DCLK3: variants seen among roughly 807,000 people sequenced by gnomAD.
DCLK3 encodes the protein serine/threonine-protein kinase DCLK3.
In DCLK3, 30 loss-of-function variants were observed where a neutral mutation model predicts 46.4. The ratio of observed to expected loss-of-function variants is 0.65; its 90% CI spans 0.48 to 0.88. The LOEUF is 0.88. Among genes scored for constraint, DCLK3 ranks in the 40% least tolerant of loss-of-function variants. The probability of loss-of-function intolerance (pLI) is 0.00; values close to 1 mark genes in which losing one functional copy is unlikely to be tolerated. For synonymous variants in DCLK3, 401 were observed against 339.2 expected, an observed-to-expected ratio of 1.18 and a Z score of -2.00; for missense variants, 846 against 907.1, an observed-to-expected ratio of 0.93 and a Z score of 0.87.
At chr3:36,718,587 T>C (rs187701612) in intron 3 of DCLK3, among the ~76,000 whole-genome samples, 7 of 152,342 alleles carry the variant, frequency 4.6e-5, no homozygotes, top group Admixed American at 2.0e-4. Context: ...ACATGTGGCA[T>C]GAGATGTGTT....
chr3:36,758,750 T>G (rs1701510833), intron 1 of DCLK3, among the ~76,000 whole-genome samples: 1 of 152,240 alleles, frequency 6.6e-6, no homozygotes, highest in Admixed American at 6.5e-5. Flanking sequence ...GAAACATTAT[T>G]TTAATTATCA....
intron 1 of DCLK3, among the ~76,000 whole-genome samples, chr3:36,740,305 T>C (rs1189517658): frequency 6.6e-6 from 1 of 152,178 alleles, no homozygotes; most frequent in Non-Finnish European, 1.5e-5. Context: ...TTTTATATTA[T>C]AATTTCACTG....
At chr3:36,724,123 T>C (rs1036515351) in intron 2 of DCLK3, among the ~76,000 whole-genome samples, 10 of 152,220 alleles carry the variant, frequency 6.6e-5, no homozygotes, top group African/African-American at 1.7e-4. Context: ...AGAGATCATT[T>C]TGGAGCTTTA....
At chr3:36,722,650 A>G (rs887601606) in intron 2 of DCLK3, among the ~76,000 whole-genome samples, 1 of 152,200 alleles carries the variant, frequency 6.6e-6, no homozygotes, top group African/African-American at 2.4e-5. Context: ...TTCTCATGAT[A>G]GTGAATCAAT....
At position 36,738,466 on chromosome 3, in the gene DCLK3, T is replaced by A. The variant is rs1701300647; in HGVS notation, c.701A>T (p.Glu234Val). Reference protein sequence around the residue: ...GETETPKSCSEVAGCKAAMRH... With the variant: ...GETETPKSCSVVAGCKAAMRH... ...CATGGCTGCCTTGCATCCTGCAACT[T>A]CGCTGCAGCTCTTGGGGGTCTCGGT... is the stretch of plus-strand genomic sequence containing the variant. Residue 234 changes from glutamate (E) to valine (V), a missense_variant, in exon 2 of 5, where the codon GAA (glutamate) becomes GTA (valine). Glu to Val is a moderately radical substitution (Grantham distance 121, BLOSUM62 -2). Coordinates refer to ENST00000636136, the MANE Select transcript of DCLK3 (RefSeq NM_001394672.2). 1 of 1,476,546 alleles carries A rather than the reference T, an allele frequency of 6.8e-7. No homozygotes were observed. Among genetic ancestry groups the A allele is most frequent in the South Asian group, 1.5e-5 (1 of 67,460 alleles). 91.5% of individuals were successfully genotyped at this position (1,476,546 alleles called of 1,614,324 possible).
chr3:36,734,246 T>G (rs1206428630), intron 2 of DCLK3, among the ~76,000 whole-genome samples: 1 of 152,208 alleles, frequency 6.6e-6, no homozygotes, highest in Non-Finnish European at 1.5e-5. Flanking sequence ...AATCCAACAT[T>G]ATCTCTACCT....
At chr3:36,725,376 G>A (rs1701114916) in intron 2 of DCLK3, among the ~76,000 whole-genome samples, 1 of 151,914 alleles carries the variant, frequency 6.6e-6, no homozygotes, top group Admixed American at 6.6e-5. Context: ...CAGCTCTTTG[G>A]GAGGCCAAGG....
Position 36,737,893 on chromosome 3 carries a change from C to G in DCLK3, c.1274G>C (p.Gly425Ala), listed in dbSNP as rs761959306. The change falls in exon 2 of 5, where the codon GGG (glycine) becomes GCG (alanine). Residue 425 changes from glycine to alanine, a missense_variant. Gly to Ala is a moderately conservative substitution (Grantham distance 60, BLOSUM62 0). Coordinates refer to ENST00000636136, the MANE Select transcript of DCLK3 (RefSeq NM_001394672.2). The surrounding 1 kb of genome is among the most constrained non-coding windows in gnomAD (Gnocchi z 4.4). ...LVEVLPVTEE[G>A]LREVKKDTRP... ...GGTGTCCTTCTTCACCTCCCTCAGC[C>G]CCTCCTCTGTGACAGGAAGAACTTC... 1 of 1,614,074 alleles carries G rather than the reference C, an allele frequency of 6.2e-7. No homozygotes were observed. Among genetic ancestry groups the G allele is most frequent in the South Asian group, 1.1e-5 (1 of 91,072 alleles).
intron 2 of DCLK3, among the ~76,000 whole-genome samples, chr3:36,730,063 C>T (rs182666164): frequency 2.3e-4 from 35 of 152,144 alleles, no homozygotes; most frequent in South Asian, 1.5e-3. Context: ...CCTGTGGTCC[C>T]AGCTACTTGG....
chr3:36,748,864 C>T (rs2125535666), intron 1 of DCLK3, among the ~76,000 whole-genome samples: 1 of 152,296 alleles, frequency 6.6e-6, no homozygotes, highest in African/African-American at 2.4e-5. Context: ...CAACAGGATT[C>T]TCTTCACACG....
At chr3:36,734,392 G>A (rs1001958595) in intron 2 of DCLK3, among the ~76,000 whole-genome samples, 2 of 152,152 alleles carry the variant, frequency 1.3e-5, no homozygotes, top group Non-Finnish European at 2.9e-5. Context: ...TTTGATAAAT[G>A]CAAGCTGACA....
rs145122838 is a variant in DCLK3 at position 36,755,042 on chromosome 3, G to T, written c.82+9140C>A. Among the ~76,000 whole-genome samples, 296 of 152,142 alleles carry T rather than the reference G, an allele frequency of 1.9e-3. 2 individuals are homozygous for T. The highest frequency in any genetic ancestry group is 6.8e-3 in the South Asian group (33 of 4,826). On this transcript the variant is annotated intron_variant, in intron 1 of 4. Transcript: ENST00000636136. ...AACTGCAATAAATTGAAAAACACAT[G>T]AAAAAATTTATACATTTATATGTCA... is the stretch of plus-strand genomic sequence containing the variant.
chr3:36,759,554 C>CAAAGCTTAGA (rs1344610155), intron 1 of DCLK3, among the ~76,000 whole-genome samples: 1 of 152,204 alleles, frequency 6.6e-6, no homozygotes, highest in African/African-American at 2.4e-5. Context: ...GTTACTGCAG[C>CAAAGCTTAGA]AAAGCTTAGA....
At chr3:36,760,533 G>A (rs1044493232) in intron 1 of DCLK3, among the ~76,000 whole-genome samples, 7 of 151,874 alleles carry the variant, frequency 4.6e-5, no homozygotes, top group African/African-American at 1.7e-4. Flanking sequence ...GTTAAATAAC[G>A]AGTTAATGGG....
chr3:36,722,743 A>T (rs1432347575), intron 2 of DCLK3, among the ~76,000 whole-genome samples: 1 of 152,208 alleles, frequency 6.6e-6, no homozygotes, highest in East Asian at 1.9e-4. Flanking sequence ...GTAAGATGTG[A>T]CTTGCTCCTC....
At chr3:36,725,189 G>C (rs905158888) in intron 2 of DCLK3, among the ~76,000 whole-genome samples, 1 of 151,996 alleles carries the variant, frequency 6.6e-6, no homozygotes, top group African/African-American at 2.4e-5. Context: ...GCGGGCGCCT[G>C]TAGTCCCAGC....
intron 1 of DCLK3, among the ~76,000 whole-genome samples, chr3:36,749,166 C>T (rs775412191): frequency 3.9e-5 from 6 of 152,200 alleles, no homozygotes; most frequent in South Asian, 2.1e-4. Context: ...TTGTCTGTTG[C>T]GGTGAGGAGA....
chr3:36,752,381 G>T (rs116827068), intron 1 of DCLK3, among the ~76,000 whole-genome samples: 1 of 152,102 alleles, frequency 6.6e-6, no homozygotes, highest in East Asian at 1.9e-4. Context: ...GAGCTGTCCC[G>T]GAATAATTAC....
chr3:36,733,443 A>G (rs914370399), intron 2 of DCLK3, among the ~76,000 whole-genome samples: 1 of 152,158 alleles, frequency 6.6e-6, no homozygotes, highest in Admixed American at 6.6e-5. Flanking sequence ...CATCCTGCTC[A>G]CCCAGCTTTC....
Sources: allele counts gnomAD v4.1 joint callset (sites outside exome capture counted in the v4.1 genomes callset), GRCh38; gene constraint gnomAD v4.1.1; non-coding constraint Gnocchi (gnomAD v3.1); transcripts MANE v1.5; gene names NCBI Gene and HGNC (gene_info 2026-07-23, HGNC 2026-07-21).